The following PRRG1 variants were observed in gnomAD, a reference collection of about 807,000 sequenced individuals.
The protein encoded by PRRG1 is proline rich and Gla domain 1.
In PRRG1, 5 loss-of-function variants were observed where a neutral mutation model predicts 11.8. The observed-to-expected ratio is 0.42, with a 90% CI of 0.22 to 0.89. The LOEUF is 0.89. PRRG1 is among the 40% of genes least tolerant of loss of function. The pLI is 0.28. For missense variants in PRRG1, 155 were observed against 166.1 expected (o/e 0.93, Z 0.37); for synonymous variants, 66 against 60.4 (o/e 1.09, Z -0.43).
intron 1 of PRRG1, among the ~76,000 whole-genome samples, chrX:37,399,777 A>T (rs1370832327): frequency 3.8e-5 from 4 of 105,856 alleles, no homozygotes; most frequent in African/African-American, 6.9e-5. Flanking sequence ...AAATAAAAGG[A>T]TGGAGGAAGA....
chrX:37,399,301 G>A (rs782355358), intron 1 of PRRG1, among the ~76,000 whole-genome samples: 4,794 of 110,993 alleles, frequency 0.043, 278 homozygotes, highest in African/African-American at 0.15. Flanking sequence ...AACTCTACAA[G>A]CCAGAAGAGA....
chrX:37,435,154 A>T (rs782465651), intron 3 of PRRG1, among the ~76,000 whole-genome samples: 2 of 111,200 alleles, frequency 1.8e-5, no homozygotes, highest in Admixed American at 9.6e-5. Context: ...TGGTACCAGA[A>T]AGTAAGGAAG....
At chrX:37,420,611 T>C (rs1294898780) in intron 2 of PRRG1, among the ~76,000 whole-genome samples, 1 of 91,648 alleles carries the variant, frequency 1.1e-5, no homozygotes. Flanking sequence ...GGTGGGAAGA[T>C]GGCTTGAGCC....
chrX:37,411,116 A>T (rs181423182), intron 2 of PRRG1, among the ~76,000 whole-genome samples: 72 of 112,213 alleles, frequency 6.4e-4, no homozygotes, highest in African/African-American at 2.3e-3. Flanking sequence ...TTATTTGAGA[A>T]AAAAACAAAA....
At chrX:37,437,401 C>A (rs1361470484) in intron 3 of PRRG1, among the ~76,000 whole-genome samples, 1 of 112,063 alleles carries the variant, frequency 8.9e-6, no homozygotes, top group African/African-American at 3.3e-5. Flanking sequence ...CCAGTGCCAA[C>A]CTTTTTCAGA....
At chrX:37,389,606 C>T (rs936073680) in intron 1 of PRRG1, among the ~76,000 whole-genome samples, 2 of 111,049 alleles carry the variant, frequency 1.8e-5, no homozygotes, top group African/African-American at 6.6e-5. Flanking sequence ...CCAGATCTTG[C>T]AATAACTCAC....
At chrX:37,357,136 A>G (rs1747432554) in intron 1 of PRRG1, among the ~76,000 whole-genome samples, 1 of 111,460 alleles carries the variant, frequency 9.0e-6, no homozygotes, top group Admixed American at 9.5e-5. Flanking sequence ...TCCTTTTTCA[A>G]AATGTCATAT....
intron 1 of PRRG1, among the ~76,000 whole-genome samples, chrX:37,370,956 G>A (rs1244465040): frequency 1.1e-4 from 12 of 111,505 alleles, no homozygotes; most frequent in African/African-American, 3.9e-4. Context: ...AGCACAAACA[G>A]CCTGGATGCC....
intron 2 of PRRG1, among the ~76,000 whole-genome samples, chrX:37,423,409 TTAAAAAA>T (rs1932715315): frequency 9.0e-6 from 1 of 110,732 alleles, no homozygotes; most frequent in South Asian, 3.7e-4. Context: ...AGTCAAAAAG[TTAAAAAA>T]TTAAAAAGTA....
chrX:37,406,339 G>C lies in PRRG1; in HGVS notation c.10+80G>C. Reference sequence around the variant, plus strand: ...CAGGAAATTAAATTTCTAACTCATAGTATATTTGTGGACACCTAAATTGTA... The same window carrying C: ...CAGGAAATTAAATTTCTAACTCATACTATATTTGTGGACACCTAAATTGTA... On this transcript the variant is annotated intron_variant, in intron 2 of 3. Coordinates refer to ENST00000378628, the MANE Select transcript of PRRG1 (RefSeq NM_001142395.2). The C allele has an allele frequency of 7.1e-6, 7 of 991,361 alleles. No individual in the cohort carries two copies. The South Asian group carries it at 1.5e-4, about 22-fold the overall frequency. The allele number at this position is 991,361 out of a possible 1,213,427, so 81.7% of individuals were successfully genotyped here. A position where few individuals can be genotyped will look rare whatever the true frequency, so the allele number is the denominator to read the frequency against.
chrX:37,419,036 A>G (rs781853584), intron 2 of PRRG1, among the ~76,000 whole-genome samples: 2 of 112,387 alleles, frequency 1.8e-5, no homozygotes, highest in African/African-American at 3.2e-5. Context: ...TAAGTTCATG[A>G]GAATGAGAAT....
intron 1 of PRRG1, among the ~76,000 whole-genome samples, chrX:37,368,691 C>T (rs1246658150): frequency 1.8e-5 from 2 of 108,315 alleles, no homozygotes; most frequent in Non-Finnish European, 3.8e-5. Context: ...TAGGTTTAGA[C>T]CTAAGATCTG....
intron 1 of PRRG1, among the ~76,000 whole-genome samples, chrX:37,350,862 T>A (rs895732132): frequency 1.8e-5 from 2 of 110,517 alleles, no homozygotes; most frequent in African/African-American, 6.6e-5. Flanking sequence ...TTCTTCTGGT[T>A]TTATTGTTAT....
At chrX:37,406,138 C>CTGGA in intron 1 of PRRG1, 71 bp from the exon 2 acceptor site, 2 of 960,234 alleles carry the variant, frequency 2.1e-6, no homozygotes, top group Non-Finnish European at 2.9e-6. Flanking sequence ...ATCAGCTGTA[C>CTGGA]TGGAGCTTAT....
At chrX:37,388,622 C>T (rs1323769513) in intron 1 of PRRG1, among the ~76,000 whole-genome samples, 2 of 113,325 alleles carry the variant, frequency 1.8e-5, no homozygotes, top group African/African-American at 6.4e-5. Flanking sequence ...GCAGTGTCCC[C>T]CGGCTGCACA....
intron 2 of PRRG1, among the ~76,000 whole-genome samples, chrX:37,409,599 AG>A (rs1182009224): frequency 8.9e-6 from 1 of 112,431 alleles, no homozygotes; most frequent in African/African-American, 3.2e-5. Flanking sequence ...AATCTCAAAG[AG>A]ACTCTATCCT....
chrX:37,399,311 A>T (rs1193342743), intron 1 of PRRG1, among the ~76,000 whole-genome samples: 3 of 111,368 alleles, frequency 2.7e-5, no homozygotes, highest in African/African-American at 9.9e-5. Context: ...GCCAGAAGAG[A>T]GTGGGGGCCA....
At chrX:37,350,074 G>T (rs1275843071) in intron 1 of PRRG1, among the ~76,000 whole-genome samples, 32 of 106,036 alleles carry the variant, frequency 3.0e-4, no homozygotes, top group Admixed American at 2.3e-3. Flanking sequence ...GAGGCGGCGT[G>T]GGGGGAAGTG....
chrX:37,450,028 CATT>C (rs1921059944), intron 3 of PRRG1, among the ~76,000 whole-genome samples: 1 of 112,577 alleles, frequency 8.9e-6, no homozygotes, highest in Admixed American at 9.4e-5. Context: ...ATAAATCTGT[CATT>C]GTGTTTTTAT....
Sources: gnomAD v4.1 joint callset for allele counts (sites outside exome capture counted in the v4.1 genomes callset) on GRCh38, gnomAD v4.1.1 for gene constraint, MANE v1.5 for transcripts, NCBI Gene and HGNC (gene_info 2026-07-23, HGNC 2026-07-21) for gene names.